The following PDE2A variants were observed in gnomAD, a reference collection of about 807,000 sequenced individuals.
PDE2A encodes the protein phosphodiesterase 2A.
Under a neutral mutation model 133.6 loss-of-function variants are expected in PDE2A, and 53 were observed. That is an observed-to-expected ratio of 0.40 (90% CI 0.32 to 0.50). The LOEUF (loss-of-function observed/expected upper bound fraction) is 0.50, where lower values mean the gene tolerates loss of function less well. PDE2A is among the 20% of genes least tolerant of loss of function. The pLI is 0.73. For synonymous variants in PDE2A, 491 were observed against 490.2 expected (o/e 1.00, Z -0.02); for missense variants, 796 against 1,232.4 (o/e 0.65, Z 5.30).
At chr11:72,636,067 A>G in intron 2 of PDE2A, 1 of 1,273,500 alleles carries the variant, frequency 7.9e-7, no homozygotes, top group Non-Finnish European at 1.0e-6. Context: ...ATGCAAGGCC[A>G]ACTCCCTTAG....
chr11:72,658,907 G>C (rs559978678), intron 1 of PDE2A, among the ~76,000 whole-genome samples: 38 of 151,944 alleles, frequency 2.5e-4, no homozygotes, highest in African/African-American at 9.2e-4. Context: ...TGTTTCCCAG[G>C]CTGGTCTCAA....
intron 13 of PDE2A, among the ~76,000 whole-genome samples, chr11:72,586,651 C>T (rs1024651656): frequency 8.5e-5 from 13 of 152,206 alleles, no homozygotes; most frequent in Non-Finnish European, 1.5e-4. Context: ...ACTGCTTGCC[C>T]TGCTCATGGA....
chr11:72,630,321 G>A (rs772693303), intron 2 of PDE2A, among the ~76,000 whole-genome samples: 2 of 152,146 alleles, frequency 1.3e-5, no homozygotes, highest in Non-Finnish European at 2.9e-5. Flanking sequence ...CAGGGTGCTC[G>A]TGGCACAGCA....
chr11:72,579,849 C>G (rs1855639938), intron 25 of PDE2A: 1 of 506,274 alleles, frequency 2.0e-6, no homozygotes, highest in Non-Finnish European at 3.5e-6. Flanking sequence ...TGCAGGGACC[C>G]AACAAGGTAA....
rs1358111126 is a variant in PDE2A at position 72,597,219 on chromosome 11, T to C, written c.433+291A>G. On this transcript the variant is annotated intron_variant, in intron 5 of 30. Transcript: ENST00000334456. The surrounding 1 kb of genome is among the most constrained non-coding windows in gnomAD (Gnocchi z 4.6). Reference sequence around the variant, plus strand: ...CATCACAACCACAGCCACGGGCCACTGAGCCCTCGCTTGTGCCAGGCCCCT... The same window carrying C: ...CATCACAACCACAGCCACGGGCCACCGAGCCCTCGCTTGTGCCAGGCCCCT... Among the ~76,000 whole-genome samples, 1 of 152,228 alleles carries C rather than the reference T, an allele frequency of 6.6e-6. No individual in the cohort carries two copies. The highest frequency in any genetic ancestry group is 1.9e-4 in the East Asian group (1 of 5,198).
chr11:72,580,419 C>T (rs1458317321), intron 25 of PDE2A, among the ~76,000 whole-genome samples, 158 bp downstream of exon 25: 1 of 152,152 alleles, frequency 6.6e-6, no homozygotes, highest in East Asian at 1.9e-4. Context: ...CTTCCAAGCC[C>T]ACTCCAGGAA....
At chr11:72,611,334 C>T (rs1857202975) in intron 2 of PDE2A, among the ~76,000 whole-genome samples, 1 of 152,172 alleles carries the variant, frequency 6.6e-6, no homozygotes, top group South Asian at 2.1e-4. Flanking sequence ...GAACCCAAAC[C>T]TCTGGATCTC....
At chr11:72,632,898 C>T (rs1045659268) in intron 2 of PDE2A, among the ~76,000 whole-genome samples, 1 of 152,176 alleles carries the variant, frequency 6.6e-6, no homozygotes, top group Non-Finnish European at 1.5e-5. Context: ...GTTCCCCCTC[C>T]AGCCAATTTC....
At chr11:72,651,506 G>A (rs1011303805) in intron 1 of PDE2A, among the ~76,000 whole-genome samples, 2 of 152,092 alleles carry the variant, frequency 1.3e-5, no homozygotes, top group African/African-American at 4.8e-5. Context: ...GGGGTGACTC[G>A]GTCTAACCAC....
At chr11:72,595,134 A>C (rs886252622) in intron 6 of PDE2A, among the ~76,000 whole-genome samples, 1 of 151,962 alleles carries the variant, frequency 6.6e-6, no homozygotes, top group Admixed American at 6.5e-5. Context: ...CCCACAAGGG[A>C]AGCAACCTTC....
At position 72,580,626 on chromosome 11, in the gene PDE2A, TG is replaced by T. The variant is rs773968664; in HGVS notation, c.2134-3del. 2 of 1,563,530 alleles carry T rather than the reference TG, an allele frequency of 1.3e-6. No homozygotes were observed. The highest frequency in any genetic ancestry group is 2.7e-5 in the African/African-American group (2 of 74,308). Reference sequence around the variant, plus strand: ...GTAGAGCGCAGCCAGCACAGATTTCTGGAAAAGCCCAGGAAAACTGTGGTCA... The same window carrying T: ...GTAGAGCGCAGCCAGCACAGATTTCTGAAAAGCCCAGGAAAACTGTGGTCA... On this transcript the variant is annotated splice_polypyrimidine_tract_variant and splice_region_variant and intron_variant, in intron 24 of 30. Coordinates refer to ENST00000334456, the MANE Select transcript of PDE2A (RefSeq NM_002599.5).
At chr11:72,661,446 C>T (rs555511593) in intron 1 of PDE2A, among the ~76,000 whole-genome samples, 133 of 152,140 alleles carry the variant, frequency 8.7e-4, no homozygotes, top group Non-Finnish European at 1.5e-3. Context: ...ATCACCCACT[C>T]ACACCCACAG....
chr11:72,669,903 C>T (rs1855345814), intron 1 of PDE2A, among the ~76,000 whole-genome samples: 1 of 152,204 alleles, frequency 6.6e-6, no homozygotes, highest in Admixed American at 6.5e-5. Flanking sequence ...TCACGAGCAC[C>T]AGGAGAGACC....
At chr11:72,609,182 T>G (rs1857099178) in intron 2 of PDE2A, among the ~76,000 whole-genome samples, 1 of 152,272 alleles carries the variant, frequency 6.6e-6, no homozygotes, top group African/African-American at 2.4e-5. Flanking sequence ...GTTCAGTCAC[T>G]GAGCCTCAGT....
chr11:72,667,780 G>A (rs1451282164), intron 1 of PDE2A, among the ~76,000 whole-genome samples: 1 of 151,710 alleles, frequency 6.6e-6, no homozygotes, highest in Non-Finnish European at 1.5e-5. Flanking sequence ...GGAGGCCCAG[G>A]CAGGAGGATA....
chr11:72,585,545 T>G lies in PDE2A; in HGVS notation c.1222+9A>C. ...ACACACAGCCAGGCAGAGAGAACAG[T>G]GCACTCACCCAGGTGGGTGAAGAGG... is the stretch of plus-strand genomic sequence containing the variant. On this transcript the variant is annotated intron_variant, in intron 15 of 30. Coordinates refer to ENST00000334456, the MANE Select transcript of PDE2A (RefSeq NM_002599.5). The G allele has an allele frequency of 1.2e-6, 2 of 1,613,810 alleles. No individual in the cohort carries two copies. Among genetic ancestry groups the G allele is most frequent in the South Asian group, 2.2e-5 (2 of 91,076 alleles).
At chr11:72,627,507 C>A (rs995653897) in intron 2 of PDE2A, among the ~76,000 whole-genome samples, 2 of 152,192 alleles carry the variant, frequency 1.3e-5, no homozygotes, top group African/African-American at 4.8e-5. Flanking sequence ...TCAGTGTGAG[C>A]AAAGGCAGGG....
chr11:72,618,898 C>A (rs1460923992), intron 2 of PDE2A, among the ~76,000 whole-genome samples: 2 of 152,230 alleles, frequency 1.3e-5, no homozygotes, highest in Non-Finnish European at 2.9e-5. Flanking sequence ...CTCCACCCAG[C>A]CCGCCAGGCA....
rs71062783 is a variant in PDE2A, at chr11:72,644,724, ATTTATTTTATTTTATTTTAT to A, written c.72-2418_72-2399del. On this transcript the variant is annotated intron_variant, in intron 1 of 30. Transcript: ENST00000334456. ...CACTCACCTCTTGAGAAGTTATTTTATTTATTTTATTTTATTTTATTTTATTTTATTTTATTTTATTTTAT... is the reference window on the plus strand; with the variant it reads ...CACTCACCTCTTGAGAAGTTATTTTATTTATTTTATTTTATTTTATTTTAT... Among the ~76,000 whole-genome samples the A allele has an allele frequency of 1.3e-3, 198 of 148,724 alleles. 1 individual carries two copies. Among genetic ancestry groups the A allele is most frequent in the East Asian group, 4.2e-3 (21 of 5,048 alleles).
Sources: gnomAD v4.1 joint callset for allele counts (sites outside exome capture counted in the v4.1 genomes callset) on GRCh38, gnomAD v4.1.1 for gene constraint, Gnocchi (gnomAD v3.1) non-coding constraint, MANE v1.5 for transcripts, NCBI Gene and HGNC (gene_info 2026-07-23, HGNC 2026-07-21) for gene names.